The following DYSF variants were observed in gnomAD, a reference collection of about 807,000 sequenced individuals.
The protein encoded by DYSF is dysferlin, also known as dystrophy-associated fer-1-like 1.
DYSF carries 212 observed loss-of-function variants against 274.9 expected under a neutral mutation model. The ratio of observed to expected loss-of-function variants is 0.77; its 90% CI spans 0.69 to 0.86. The LOEUF is 0.86. Ranked by LOEUF, DYSF falls within the 40% of genes least tolerant of loss-of-function variation. DYSF has a pLI of 0.00. For synonymous variants in DYSF, 1,091 were observed against 1,078.7 expected, an observed-to-expected ratio of 1.01 and a Z score of -0.22; for missense variants, 2,666 against 2,783.2, an observed-to-expected ratio of 0.96 and a Z score of 0.95.
At chr2:71,686,432 C>G (rs2095357571) in intron 55 of DYSF, 22 bp from the exon 56 acceptor site, 1 of 1,613,768 alleles carries the variant, frequency 6.2e-7, no homozygotes, top group Non-Finnish European at 8.5e-7. Context: ...ACCATGGGTC[C>G]CTGTCTCCTC....
At chr2:71,542,513 C>T (rs890979544) in intron 17 of DYSF, among the ~76,000 whole-genome samples, 3 of 152,052 alleles carry the variant, frequency 2.0e-5, no homozygotes, top group Non-Finnish European at 4.4e-5. Flanking sequence ...AGGCAGAGGA[C>T]CCTGGGGCCT....
intron 30 of DYSF, among the ~76,000 whole-genome samples, chr2:71,579,251 C>A (rs760908144): frequency 2.1e-4 from 32 of 152,108 alleles, no homozygotes; most frequent in Middle Eastern, 3.2e-3. Flanking sequence ...CCTCCATGAT[C>A]GAGGATTTTT....
rs993152527 is a variant in DYSF, at chr2:71,587,626, C to G, written c.3403-1967C>G. ...GTATCTTCTTTAATAATCAAAGCAA[C>G]TCTCTAAAATAGATACTGTATAATT... On this transcript the variant is annotated intron_variant, in intron 30 of 55. Transcript: ENST00000410020. Among the ~76,000 whole-genome samples the G allele has an allele frequency of 2.0e-5, 3 of 152,206 alleles. No individual in the cohort carries two copies. The East Asian group carries it at 5.8e-4, about 29-fold the overall frequency.
chr2:71,516,616 G>A (rs11898708), intron 9 of DYSF, among the ~76,000 whole-genome samples: 4 of 152,134 alleles, frequency 2.6e-5, no homozygotes, highest in Non-Finnish European at 5.9e-5. Flanking sequence ...GTTAATCCAC[G>A]TGCCTGCTTC....
At chr2:71,590,086 G>T (rs1415250649) in intron 31 of DYSF, 125 bp from the exon 32 acceptor site, 5 of 914,184 alleles carry the variant, frequency 5.5e-6, no homozygotes, top group Non-Finnish European at 7.2e-6. Flanking sequence ...GGCCTGTGTG[G>T]TTTCCCTCAT....
intron 40 of DYSF, among the ~76,000 whole-genome samples, chr2:71,618,630 TGTTACAGGAGGTG>T (rs2094007254): frequency 1.6e-5 from 2 of 123,576 alleles, no homozygotes; most frequent in Non-Finnish European, 3.6e-5. Context: ...GTGGTGTGTG[TGTTACAGGAGGTG>T]GTGTGTGTGG....
chr2:71,625,235 C>T (rs147675941), intron 41 of DYSF, among the ~76,000 whole-genome samples: 1,717 of 147,572 alleles, frequency 0.012, 38 homozygotes, highest in African/African-American at 0.043. Context: ...TTATCTCTTT[C>T]TCTCTCTCTT....
chr2:71,577,529 C>T (rs63545060), intron 30 of DYSF, among the ~76,000 whole-genome samples: 15 of 56,190 alleles, frequency 2.7e-4, no homozygotes, highest in Admixed American at 8.2e-4. Context: ...GCAGCCCCCC[C>T]ACTCTCACAC....
Position 71,481,909 on chromosome 2 carries a change from C to G in DYSF, c.178C>G (p.Leu60Val). 1 of 1,614,182 alleles carries G rather than the reference C, an allele frequency of 6.2e-7. No individual in the cohort carries two copies. Among genetic ancestry groups the G allele is most frequent in the South Asian group, 1.1e-5 (1 of 91,078 alleles). ...TGAATGGGACCTCAAGGGCATCCCC[C>G]TGGACCAGGGCTCTGAGCTTCATGT... The part of the protein sequence containing the change: ...GFEWDLKGIP[L>V]DQGSELHVVV... Residue 60 changes from leucine to valine, a missense_variant, in exon 3 of 56, where the codon CTG becomes GTG. Leu to Val is a conservative substitution (Grantham distance 32, BLOSUM62 1). Around this residue, in one of 3 missense-constraint regions of DYSF, gnomAD observed 794 missense variants for 777.1 expected, o/e 1.02. Coordinates refer to ENST00000410020, the MANE Select transcript of DYSF (RefSeq NM_001130987.2).
At chr2:71,600,967 C>T (rs970549839) in intron 34 of DYSF, 125 bp downstream of exon 34, 8 of 1,303,912 alleles carry the variant, frequency 6.1e-6, no homozygotes, top group African/African-American at 4.4e-5. Context: ...TTTTCTGAAC[C>T]CTAAGTCAGG....
At chr2:71,453,691 A>G in exon 1 of DYSF, 1 of 446,162 alleles carries the variant, frequency 2.2e-6, no homozygotes, top group Non-Finnish European at 4.2e-6. Context: ...GCATTAGATT[A>G]CAGCTCGACG....
intron 22 of DYSF, among the ~76,000 whole-genome samples, chr2:71,561,036 G>A (rs1241981391): frequency 6.6e-6 from 1 of 152,184 alleles, no homozygotes; most frequent in African/African-American, 2.4e-5. Context: ...CTTTCAGGGC[G>A]CCTCCGTGGG....
chr2:71,524,432 TG>T (rs2087633130), intron 12 of DYSF, among the ~76,000 whole-genome samples: 1 of 152,220 alleles, frequency 6.6e-6, no homozygotes, highest in African/African-American at 2.4e-5. Flanking sequence ...GAAAGATGAT[TG>T]TTTTCTTCTG....
chr2:71,646,577 G>C lies in DYSF; in HGVS notation c.4626+2514G>C, dbSNP rs570462719. On this transcript the variant is annotated intron_variant, in intron 42 of 55. Coordinates refer to ENST00000410020, the MANE Select transcript of DYSF (RefSeq NM_001130987.2). ...CATTATGGAGAGAGTGGAGCACACA[G>C]TGGGTGCAGGAAAACAGATTTTAGA... 2.6e-5 allele frequency among the ~76,000 whole-genome samples: 4 copies of C among 152,332 alleles called. No homozygotes were observed. The East Asian group carries it at 7.7e-4, about 29-fold the overall frequency.
chr2:71,686,573 G>A lies in DYSF; in HGVS notation c.*81G>A. The A allele has an allele frequency of 6.5e-7, 1 of 1,548,474 alleles. No homozygotes were observed. The highest frequency in any genetic ancestry group is 8.9e-7 in the Non-Finnish European group (1 of 1,124,230). On this transcript the variant is annotated 3_prime_UTR_variant, in exon 56 of 56. Coordinates refer to ENST00000410020, the MANE Select transcript of DYSF (RefSeq NM_001130987.2). Reference sequence around the variant, plus strand: ...CTGCCTCCTCCGCCCAGCTCGGCGAGCTCCTCCAGACCTCCTAGGCCTGAT... The same window carrying A: ...CTGCCTCCTCCGCCCAGCTCGGCGAACTCCTCCAGACCTCCTAGGCCTGAT...
intron 39 of DYSF, among the ~76,000 whole-genome samples, 191 bp downstream of exon 39, chr2:71,612,997 G>C (rs1392121940): frequency 6.6e-6 from 1 of 152,204 alleles, no homozygotes; most frequent in Admixed American, 6.5e-5. Flanking sequence ...GGGGGCACCA[G>C]GAGCAGGTGA....
chr2:71,648,980 G>A (rs1180890854), intron 42 of DYSF, among the ~76,000 whole-genome samples: 3 of 151,976 alleles, frequency 2.0e-5, no homozygotes, highest in African/African-American at 7.3e-5. Context: ...ATTCCAATGA[G>A]CCTGTCTTGA....
At chr2:71,563,692 G>A (rs753001392) in intron 23 of DYSF, among the ~76,000 whole-genome samples, 20 of 152,166 alleles carry the variant, frequency 1.3e-4, no homozygotes, top group Non-Finnish European at 1.5e-5. Flanking sequence ...GTCAAATCTA[G>A]TTCTCTGATG....
intron 31 of DYSF, 25 bp downstream of exon 31, chr2:71,589,711 TG>T (rs1171546614): frequency 6.3e-7 from 1 of 1,595,260 alleles, no homozygotes; most frequent in African/African-American, 1.3e-5. Context: ...GAGGCCTCTA[TG>T]GGGTGATAAG....
Sources: allele counts gnomAD v4.1 joint callset (sites outside exome capture counted in the v4.1 genomes callset), GRCh38; gene constraint gnomAD v4.1.1; regional missense constraint gnomAD v4.1.1; transcripts MANE v1.5; gene names NCBI Gene and HGNC (gene_info 2026-07-23, HGNC 2026-07-21).